Variants in TEAD1 observed in about 807,000 individuals in gnomAD.
TEAD1 encodes TEA domain transcription factor 1, also known as transcriptional enhancer factor TEF-1.
Under a neutral mutation model 54.9 loss-of-function variants are expected in TEAD1, and 9 were observed. The ratio of observed to expected loss-of-function variants is 0.16; its 90% CI spans 0.10 to 0.29. The LOEUF is 0.29. TEAD1 is among the 10% of genes least tolerant of loss of function. The pLI is 1.00. For missense variants in TEAD1, 387 were observed against 535.9 expected (o/e 0.72, Z 2.74); for synonymous variants, 200 against 187.8 (o/e 1.07, Z -0.53).
intron 9 of TEAD1, among the ~76,000 whole-genome samples, chr11:12,896,058 A>T (rs565022719): frequency 6.6e-6 from 1 of 151,556 alleles, no homozygotes; most frequent in Non-Finnish European, 1.5e-5. Context: ...CATTCAGTTA[A>T]TTTTACAAAC....
At position 12,908,883 on chromosome 11, in the gene TEAD1, G is replaced by GTTTTTTTT. The variant is rs60042137; in HGVS notation, c.873+6776_873+6783dup. Among the ~76,000 whole-genome samples, 42 of 99,670 alleles carry GTTTTTTTT rather than the reference G, an allele frequency of 4.2e-4. 1 individual carries two copies. Among genetic ancestry groups the GTTTTTTTT allele is most frequent in the South Asian group, 2.5e-3 (8 of 3,224 alleles). 65.4% of individuals were successfully genotyped at this position (99,670 alleles called of 152,430 possible). A position where few individuals can be genotyped will look rare whatever the true frequency, so the allele number is the denominator to read the frequency against. ...TATGTCAGTATACTTCAAATTATCTGTTTTTTTTTTTTTGAGACAGTGTTG... is the reference window on the plus strand; with the variant it reads ...TATGTCAGTATACTTCAAATTATCTGTTTTTTTTTTTTTTTTTTTTTGAGACAGTGTTG... On this transcript the variant is annotated intron_variant, in intron 10 of 12. Coordinates refer to ENST00000527636, the MANE Select transcript of TEAD1 (RefSeq NM_021961.6).
intron 2 of TEAD1, among the ~76,000 whole-genome samples, chr11:12,705,955 C>T (rs1047080893): frequency 2.6e-5 from 4 of 152,146 alleles, no homozygotes; most frequent in African/African-American, 7.2e-5. Flanking sequence ...TGATTACCCT[C>T]GTTTGTGTGT....
chr11:12,697,263 G>GAGT lies in TEAD1; in HGVS notation c.-55+21704_-55+21706dup, dbSNP rs149581812. Among the ~76,000 whole-genome samples the GAGT allele has an allele frequency of 9.7e-3, 1,479 of 152,122 alleles. 24 individuals are homozygous for GAGT. Among genetic ancestry groups the GAGT allele is most frequent in the African/African-American group, 0.033 (1,373 of 41,490 alleles). ...TCTGAAAAATAAAAAGTGCACAGGTGAGTACTTCCTCTGTTAGGGAATCTC... is the reference window on the plus strand; with the variant it reads ...TCTGAAAAATAAAAAGTGCACAGGTGAGTAGTACTTCCTCTGTTAGGGAATCTC... On this transcript the variant is annotated intron_variant, in intron 2 of 12. Transcript: ENST00000527636.
chr11:12,937,276 C>A lies in TEAD1; in HGVS notation c.*54C>A. Reference sequence around the variant, plus strand: ...GTATATACACACACACATATGTGCACACACACACTCTCTCTCCATTATCGA... The same window carrying A: ...GTATATACACACACACATATGTGCAAACACACACTCTCTCTCCATTATCGA... On this transcript the variant is annotated 3_prime_UTR_variant, in exon 13 of 13. Transcript: ENST00000527636. The A allele has an allele frequency of 7.6e-7, 1 of 1,311,152 alleles. No homozygotes were observed. The highest frequency in any genetic ancestry group is 1.1e-6 in the Non-Finnish European group (1 of 914,184). The allele number at this position is 1,311,152 out of a possible 1,614,324, so 81.2% of individuals were successfully genotyped here.
chr11:12,771,133 T>G (rs1457801692), intron 3 of TEAD1, among the ~76,000 whole-genome samples: 1 of 152,132 alleles, frequency 6.6e-6, no homozygotes, highest in Non-Finnish European at 1.5e-5. Context: ...GAACATGTGA[T>G]AAAGGCATGG....
At chr11:12,765,173 G>T (rs1278981491) in intron 3 of TEAD1, among the ~76,000 whole-genome samples, 2 of 152,128 alleles carry the variant, frequency 1.3e-5, no homozygotes, top group East Asian at 3.9e-4. Context: ...GGCTCTGGAT[G>T]CCTAGGGCAG....
intron 2 of TEAD1, among the ~76,000 whole-genome samples, chr11:12,718,448 A>G (rs952636795): frequency 5.3e-5 from 8 of 152,228 alleles, no homozygotes; most frequent in African/African-American, 1.7e-4. Context: ...TGCTGTTGGC[A>G]TCATCTTCCT....
chr11:12,814,251 A>T (rs961822813), intron 3 of TEAD1, among the ~76,000 whole-genome samples: 3 of 152,158 alleles, frequency 2.0e-5, no homozygotes, highest in Non-Finnish European at 4.4e-5. Context: ...GGGGAGTTCA[A>T]GCGAGCCTCT....
chr11:12,930,220 A>G lies in TEAD1; in HGVS notation c.1061A>G (p.Asn354Ser). The change falls in exon 12 of 13, where the codon AAC (asparagine) becomes AGC (serine). Residue 354 changes from asparagine (N) to serine (S), a missense_variant. By Grantham distance (46) the Asn-to-Ser change is conservative. Transcript: ENST00000527636. ...AATGGCCGATTTGTATACCGAATAAACCGCTCCCCAATGTGTGAATATATG... is the reference window on the plus strand; with the variant it reads ...AATGGCCGATTTGTATACCGAATAAGCCGCTCCCCAATGTGTGAATATATG... The G allele has an allele frequency of 6.2e-7, 1 of 1,614,244 alleles. No homozygotes were observed. The highest frequency in any genetic ancestry group is 8.5e-7 in the Non-Finnish European group (1 of 1,180,042).
Position 12,685,270 on chromosome 11 carries a change from G to C in TEAD1, c.-55+9709G>C, listed in dbSNP as rs556495995. Among the ~76,000 whole-genome samples the C allele has an allele frequency of 3.3e-5, 5 of 152,198 alleles. No homozygotes were observed. In the South Asian group the frequency reaches 1.0e-3, roughly 32 times the overall value. Reference sequence around the variant, plus strand: ...GAAGACTTATTGAGGGAGGAGAGTAGTCTGGTTGAGGAGAGAGACTTAGAT... The same window carrying C: ...GAAGACTTATTGAGGGAGGAGAGTACTCTGGTTGAGGAGAGAGACTTAGAT... On this transcript the variant is annotated intron_variant, in intron 2 of 12. Coordinates refer to ENST00000527636, the MANE Select transcript of TEAD1 (RefSeq NM_021961.6).
At position 12,864,985 on chromosome 11, in the gene TEAD1, G is replaced by A. The variant is rs548792641; in HGVS notation, c.330+85G>A. ...TGGTGACTGGTGAATGCCTGGTGCT[G>A]GGATTCTCGTAACCTAGTTTCCTTG... On this transcript the variant is annotated intron_variant, in intron 5 of 12. Transcript: ENST00000527636. The A allele has an allele frequency of 1.7e-4, 251 of 1,464,468 alleles. 3 individuals carry two copies. The South Asian group carries it at 2.4e-3, about 14-fold the overall frequency. 90.7% of individuals were successfully genotyped at this position (1,464,468 alleles called of 1,614,324 possible). A position where few individuals can be genotyped will look rare whatever the true frequency, so the allele number is the denominator to read the frequency against.
At chr11:12,790,310 C>G (rs946389697) in intron 3 of TEAD1, among the ~76,000 whole-genome samples, 1 of 152,218 alleles carries the variant, frequency 6.6e-6, no homozygotes, top group Non-Finnish European at 1.5e-5. Flanking sequence ...CTTTGCCACT[C>G]TGCTTAAGTG....
chr11:12,797,005 G>A (rs778540306), intron 3 of TEAD1, among the ~76,000 whole-genome samples: 3 of 152,090 alleles, frequency 2.0e-5, no homozygotes, highest in African/African-American at 4.8e-5. Flanking sequence ...CCCAGCTACT[G>A]AGGAGGCTGA....
chr11:12,730,388 A>G (rs1449794526), intron 2 of TEAD1, among the ~76,000 whole-genome samples: 2 of 111,406 alleles, frequency 1.8e-5, no homozygotes, highest in African/African-American at 6.5e-5. Flanking sequence ...TGCCATTGGG[A>G]TTTGAAACTT....
chr11:12,885,704 T>A (rs979099100), intron 9 of TEAD1, among the ~76,000 whole-genome samples: 1 of 152,334 alleles, frequency 6.6e-6, no homozygotes, highest in African/African-American at 2.4e-5. Context: ...TCTCTTTTTT[T>A]AAAAGAAATT....
At chr11:12,823,395 T>C (rs1387287616) in intron 3 of TEAD1, 1 of 152,132 alleles carries the variant, frequency 6.6e-6, no homozygotes. Flanking sequence ...CGTACCTCAG[T>C]GAGGTACCTA....
chr11:12,722,319 A>G (rs1468961730), intron 2 of TEAD1, among the ~76,000 whole-genome samples: 1 of 152,190 alleles, frequency 6.6e-6, no homozygotes, highest in Non-Finnish European at 1.5e-5. Context: ...GGGAGGGAAG[A>G]AGAACGCAAG....
intron 2 of TEAD1, among the ~76,000 whole-genome samples, chr11:12,724,781 C>T (rs1269887998): frequency 6.6e-6 from 1 of 152,186 alleles, no homozygotes; most frequent in Non-Finnish European, 1.5e-5. Flanking sequence ...GCCCTCTCCT[C>T]CTCGCCCCTC....
At chr11:12,685,043 A>G (rs1943304494) in intron 2 of TEAD1, among the ~76,000 whole-genome samples, 1 of 151,936 alleles carries the variant, frequency 6.6e-6, no homozygotes, top group South Asian at 2.1e-4. Context: ...TCCCAGCTAC[A>G]CTTCTGGGTG....
Sources: allele counts gnomAD v4.1 joint callset (sites outside exome capture counted in the v4.1 genomes callset), GRCh38; gene constraint gnomAD v4.1.1; transcripts MANE v1.5; gene names NCBI Gene and HGNC (gene_info 2026-07-23, HGNC 2026-07-21).